The following PIGN variants were observed in gnomAD, a reference collection of about 807,000 sequenced individuals.
PIGN encodes the protein phosphatidylinositol glycan anchor biosynthesis class N.
Under a neutral mutation model 125.4 loss-of-function variants are expected in PIGN, and 117 were observed. The observed-to-expected ratio is 0.93, with a 90% CI of 0.80 to 1.09. PIGN has a LOEUF of 1.09. Among genes scored for constraint, PIGN ranks in the 50% least tolerant of loss-of-function variants. The pLI, the probability that PIGN is intolerant of heterozygous loss-of-function variation, is 0.00. For synonymous variants in PIGN, 392 were observed against 377.8 expected, an observed-to-expected ratio of 1.04 and a Z score of -0.44; for missense variants, 1,075 against 1,094.9, an observed-to-expected ratio of 0.98 and a Z score of 0.26.
chr18:62,133,977 T>A (rs1186477973), intron 14 of PIGN, among the ~76,000 whole-genome samples: 1 of 152,214 alleles, frequency 6.6e-6, no homozygotes, highest in Non-Finnish European at 1.5e-5. Context: ...TTCTTACTTT[T>A]TCTTGACTTG....
At chr18:62,027,431 A>G (rs2030137048) in intron 23 of PIGN, among the ~76,000 whole-genome samples, 1 of 152,208 alleles carries the variant, frequency 6.6e-6, no homozygotes, top group Admixed American at 6.5e-5. Context: ...TATACATTTT[A>G]GGGAGACATG....
intron 1 of PIGN, among the ~76,000 whole-genome samples, chr18:62,178,031 A>G (rs2037586759): frequency 6.6e-6 from 1 of 152,054 alleles, no homozygotes; most frequent in Non-Finnish European, 1.5e-5. Flanking sequence ...TTTGCGGGGG[A>G]TAAAGATGGG....
intron 3 of PIGN, 100 bp from the exon 4 acceptor site, chr18:62,161,485 AATT>A (rs1458674752): frequency 1.7e-6 from 1 of 584,782 alleles, no homozygotes. Context: ...ATATATTTTT[AATT>A]ATTATATAAC....
rs753868318 is a variant in PIGN at position 62,140,439 on chromosome 18, G to A, written c.1004C>T (p.Pro335Leu). 7 of 1,540,478 alleles carry A rather than the reference G, an allele frequency of 4.5e-6. No homozygotes were observed. The highest frequency in any genetic ancestry group is 6.2e-6 in the Non-Finnish European group (7 of 1,126,068). The part of the protein sequence containing the change: ...APLMTSLIGV[P>L]FPLNSVGILP... ...CCTTACCACTGAGTTAAGAGGAAAG[G>A]GAACTCCAATAAGGGAAGTCATCAA... Residue 335 changes from proline to leucine, a missense_variant, in exon 12 of 31, where the codon CCC becomes CTC. Pro to Leu is a moderately conservative substitution (Grantham distance 98, BLOSUM62 -3). Coordinates refer to ENST00000640252, the MANE Select transcript of PIGN (RefSeq NM_176787.5).
rs1473500214 is a variant in PIGN, at chr18:62,093,690, T to C, written c.2180+2158A>G. ...TATTCAATAAATCAAGGATGCATTG[T>C]AAGAATTTAGGATTACTGCTGCTAT... is the stretch of plus-strand genomic sequence containing the variant. On this transcript the variant is annotated intron_variant, in intron 23 of 30. Transcript: ENST00000640252. Among the ~76,000 whole-genome samples the C allele has an allele frequency of 3.3e-5, 5 of 152,140 alleles. No homozygotes were observed. In the East Asian group the frequency reaches 9.6e-4, roughly 29 times the overall value.
intron 1 of PIGN, among the ~76,000 whole-genome samples, chr18:62,185,621 T>C (rs1599716400): frequency 6.6e-6 from 1 of 152,374 alleles, no homozygotes. Flanking sequence ...GGAGATACTT[T>C]ACTGTGGAAT....
Position 62,147,211 on chromosome 18 carries a change from T to G in PIGN, c.675-110A>C, listed in dbSNP as rs549923754. The stretch of plus-strand genomic sequence containing the variant: ...AGTAACTTCTGAAATGCTTTTAGAT[T>G]TCATCTTTAATATTTTAAAATCAGA... On this transcript the variant is annotated intron_variant, in intron 8 of 30. Transcript: ENST00000640252. 3.1e-6 allele frequency: 4 copies of G among 1,299,296 alleles called. No homozygotes were observed. In the South Asian group the frequency reaches 6.6e-5, roughly 21 times the overall value. 80.5% of individuals were successfully genotyped at this position (1,299,296 alleles called of 1,614,324 possible). A position where few individuals can be genotyped will look rare whatever the true frequency, so the allele number is the denominator to read the frequency against.
At chr18:62,074,392 T>TTCCA (rs2033061644) in intron 29 of PIGN, among the ~76,000 whole-genome samples, 1 of 152,298 alleles carries the variant, frequency 6.6e-6, no homozygotes, top group Admixed American at 6.5e-5. Context: ...TATTTCCTGT[T>TTCCA]TCCTTCCTTC....
chr18:62,120,011 G>T (rs1481144050), intron 14 of PIGN, among the ~76,000 whole-genome samples: 1 of 152,172 alleles, frequency 6.6e-6, no homozygotes, highest in Non-Finnish European at 1.5e-5. Flanking sequence ...CAGAGAGGGA[G>T]AGATGGAATA....
At chr18:62,111,398 GA>G (rs1259353266) in intron 16 of PIGN, among the ~76,000 whole-genome samples, 1 of 151,886 alleles carries the variant, frequency 6.6e-6, no homozygotes, top group African/African-American at 2.4e-5. Flanking sequence ...CCTCTCCCTA[GA>G]TTCTGACTGT....
intron 27 of PIGN, 98 bp from the exon 28 acceptor site, chr18:62,082,844 C>T: frequency 1.4e-6 from 1 of 694,336 alleles, no homozygotes; most frequent in East Asian, 2.8e-5. Context: ...TTTTCAATTT[C>T]TCAAGTAACT....
intron 30 of PIGN, among the ~76,000 whole-genome samples, chr18:62,062,887 T>TTTTTTTTTTTTTTTTTTTTTTTTG (rs2032253270): frequency 4.3e-5 from 1 of 23,210 alleles, no homozygotes; most frequent in Non-Finnish European, 1.0e-4. Flanking sequence ...TTCTGCTTTT[T>TTTTTTTTTTTTTTTTTTTTTTTTG]TTTTTTTTTT....
In PIGN at chr18:62,129,031, A is replaced by T. The variant is rs140933724; in HGVS notation, c.1172+9212T>A. ...CCAATATTGGAAAGCACTTTCTATT[A>T]GCTCTCAACACCTGGCTTTCTCTCC... On this transcript the variant is annotated intron_variant, in intron 14 of 30. Transcript: ENST00000640252. 1.6e-3 allele frequency among the ~76,000 whole-genome samples: 236 copies of T among 152,232 alleles called. 1 individual carries two copies. The highest frequency in any genetic ancestry group is 5.4e-3 in the African/African-American group (224 of 41,552).
At chr18:62,155,699 C>G (rs569309702) in intron 6 of PIGN, among the ~76,000 whole-genome samples, 9 of 152,284 alleles carry the variant, frequency 5.9e-5, no homozygotes, top group African/African-American at 2.2e-4. Context: ...AAAGGTCTGA[C>G]TGGGTTTGCT....
At chr18:62,143,159 T>G (rs2036196483) in intron 11 of PIGN, 147 bp downstream of exon 11, 1 of 556,408 alleles carries the variant, frequency 1.8e-6, no homozygotes, top group South Asian at 2.7e-5. Context: ...GGCTAAAATA[T>G]TTGCACTAAA....
chr18:62,108,127 A>C (rs1468191266), intron 17 of PIGN, among the ~76,000 whole-genome samples: 1 of 152,216 alleles, frequency 6.6e-6, no homozygotes, highest in Non-Finnish European at 1.5e-5. Flanking sequence ...TGTAGGAAAG[A>C]AAAGCTAACA....
At chr18:62,056,054 T>TA (rs766579368) in intron 30 of PIGN, among the ~76,000 whole-genome samples, 22,452 of 97,800 alleles carry the variant, frequency 0.23, 2,458 homozygotes, top group Non-Finnish European at 0.29. Flanking sequence ...TTTTTGCCAC[T>TA]AAAAAAAAAA....
chr18:62,108,925 A>C (rs2034763640), intron 17 of PIGN, among the ~76,000 whole-genome samples: 1 of 152,180 alleles, frequency 6.6e-6, no homozygotes, highest in Non-Finnish European at 1.5e-5. Context: ...GTTTTAAAAG[A>C]AGGAAGAAGC....
intron 11 of PIGN, among the ~76,000 whole-genome samples, chr18:62,142,071 C>G (rs563324190): frequency 1.2e-4 from 19 of 152,316 alleles, no homozygotes; most frequent in African/African-American, 4.1e-4. Flanking sequence ...CTGCACAAAT[C>G]TCTGTTGCAG....
Sources: allele counts gnomAD v4.1 joint callset (sites outside exome capture counted in the v4.1 genomes callset), GRCh38; gene constraint gnomAD v4.1.1; transcripts MANE v1.5; gene names NCBI Gene and HGNC (gene_info 2026-07-23, HGNC 2026-07-21).